The following CBS variants were observed in gnomAD, a reference collection of about 807,000 sequenced individuals.
The protein encoded by CBS is beta-thionase.
For missense variants in CBS, 27 were observed against 124.8 expected, an observed-to-expected ratio of 0.22 and a Z score of 3.73; for synonymous variants, 23 against 52.2, an observed-to-expected ratio of 0.44 and a Z score of 2.41.
Position 43,066,175 on chromosome 21 carries a change from G to C in CBS, c.451+68C>G, listed in dbSNP as rs1982705255. On this transcript the variant is annotated intron_variant, in intron 5 of 16. Coordinates refer to ENST00000398165, the MANE Select transcript of CBS (RefSeq NM_000071.3). ...GCTGCAGCTCAGCCATCCCCCCCGG[G>C]TCCCGGCAGGCTCGGCATGGGTAGG... The C allele has an allele frequency of 3.9e-6, 5 of 1,286,520 alleles. 1 individual carries two copies. The South Asian group carries it at 6.1e-5, about 16-fold the overall frequency. The allele number at this position is 1,286,520 out of a possible 1,614,324, so 79.7% of individuals were successfully genotyped here.
chr21:43,066,135 G>A lies in CBS; in HGVS notation c.451+108C>T, dbSNP rs373309035. 1.1e-4 allele frequency: 103 copies of A among 922,864 alleles called. 6 individuals carry two copies. The African/African-American group carries it at 1.3e-3, about 12-fold the overall frequency. The allele number at this position is 922,864 out of a possible 1,614,324, so 57.2% of individuals were successfully genotyped here. ...GATGCCAGGGAGCAGGCGGCCAGGCGGGCCAGCACATGCGGCTGCAGCTCA... is the reference window on the plus strand; with the variant it reads ...GATGCCAGGGAGCAGGCGGCCAGGCAGGCCAGCACATGCGGCTGCAGCTCA... On this transcript the variant is annotated intron_variant, in intron 5 of 16. Transcript: ENST00000398165.
chr21:43,055,814 GC>G, intron 16 of CBS: 1 of 343,998 alleles, frequency 2.9e-6, no homozygotes, highest in Non-Finnish European at 5.9e-6. Flanking sequence ...CTTGAAAGCA[GC>G]CACAGACGGT....
chr21:43,066,189 G>A lies in CBS; in HGVS notation c.451+54C>T, dbSNP rs2146392804. On this transcript the variant is annotated intron_variant, in intron 5 of 16. Transcript: ENST00000398165. ...ATCCCCCCCGGGTCCCGGCAGGCTC[G>A]GCATGGGTAGGGGACAGCCAGCCCT... 5 of 1,330,708 alleles carry A rather than the reference G, an allele frequency of 3.8e-6. 1 individual carries two copies. The highest frequency in any genetic ancestry group is 2.4e-4 in the Middle Eastern group (1 of 4,228). The allele number at this position is 1,330,708 out of a possible 1,614,324, so 82.4% of individuals were successfully genotyped here.
rs1368026782 is a variant in CBS at position 43,066,381 on chromosome 21, G to A, written c.317-4C>T. ...TTGAAGAACTCACACTTGGCCACTGGGAGGCAGAGATGAATCACAGAGGGG... is the reference window on the plus strand; with the variant it reads ...TTGAAGAACTCACACTTGGCCACTGAGAGGCAGAGATGAATCACAGAGGGG... On this transcript the variant is annotated splice_polypyrimidine_tract_variant and splice_region_variant and intron_variant, in intron 4 of 16. Transcript: ENST00000398165. The A allele has an allele frequency of 1.4e-6, 1 of 706,540 alleles. No individual in the cohort carries two copies. Among genetic ancestry groups the A allele is most frequent in the Non-Finnish European group, 2.2e-6 (1 of 451,582 alleles). The allele number at this position is 706,540 out of a possible 1,614,324, so 43.8% of individuals were successfully genotyped here. A position where few individuals can be genotyped will look rare whatever the true frequency, so the allele number is the denominator to read the frequency against.
chr21:43,057,379 CCTT>C (rs1356349724), intron 15 of CBS, among the ~76,000 whole-genome samples: 6 of 104,828 alleles, frequency 5.7e-5, no homozygotes, highest in Non-Finnish European at 1.1e-4. Flanking sequence ...CGAATGACCT[CCTT>C]AAGTCCCCAA....
intron 5 of CBS, 64 bp downstream of exon 5, chr21:43,066,179 C>G: frequency 7.7e-7 from 1 of 1,301,882 alleles, no homozygotes; most frequent in Non-Finnish European, 1.1e-6. Flanking sequence ...CCCCGGGTCC[C>G]GGCAGGCTCG....
rs142313595 is a variant in CBS, at chr21:43,065,444, G to A, written c.609C>T (p.His203=). Residue 203 remains histidine (H), a synonymous_variant, in exon 7 of 17, where the codon CAC becomes CAT. Transcript: ENST00000398165. ...TNARFDSPES[H]VGVAWRLKNE... ...TCTTCAGCCGCCAGGCCACCCCCAC[G>A]TGTGACTCCGGGGAGTCGAACCTGG... 2.2e-6 allele frequency: 1 copy of A among 454,482 alleles called. No individual in the cohort carries two copies. The highest frequency in any genetic ancestry group is 4.0e-6 in the Non-Finnish European group (1 of 247,200). The allele number at this position is 454,482 out of a possible 1,614,324, so 28.2% of individuals were successfully genotyped here. A position where few individuals can be genotyped will look rare whatever the true frequency, so the allele number is the denominator to read the frequency against.
intron 4 of CBS, among the ~76,000 whole-genome samples, chr21:43,067,108 C>T (rs79268039): frequency 0.013 from 1,357 of 104,066 alleles, 70 homozygotes; most frequent in African/African-American, 0.053. Flanking sequence ...CAGGACGAGG[C>T]GCTGTGTGTG....
intron 4 of CBS, among the ~76,000 whole-genome samples, chr21:43,066,957 C>T (rs1403555410): frequency 1.4e-5 from 2 of 139,268 alleles, no homozygotes; most frequent in African/African-American, 5.4e-5. Context: ...AGTCCTCTCT[C>T]CCTCTCCAGC....
rs373397998 is a variant in CBS, at chr21:43,057,397, C to T, written c.1468-510G>A. On this transcript the variant is annotated intron_variant, in intron 15 of 16. Transcript: ENST00000398165. ...ATGACCTCCTTAAGTCCCCAAAACA[C>T]GGCTGGTGTGGATGAGCCTGCACTG... Among the ~76,000 whole-genome samples, 9 of 66,196 alleles carry T rather than the reference C, an allele frequency of 1.4e-4. No individual in the cohort carries two copies. The East Asian group carries it at 1.7e-3, about 12-fold the overall frequency. The allele number at this position is 66,196 out of a possible 152,430, so 43.4% of individuals were successfully genotyped here. A position where few individuals can be genotyped will look rare whatever the true frequency, so the allele number is the denominator to read the frequency against.
At chr21:43,066,728 C>T (rs1189359089) in intron 4 of CBS, among the ~76,000 whole-genome samples, 1 of 83,962 alleles carries the variant, frequency 1.2e-5, no homozygotes, top group Non-Finnish European at 2.3e-5. Context: ...GGGTCCCCTA[C>T]GCCCCTATGC....
rs760214620 is a variant in CBS, at chr21:43,066,348, C to T, written c.346G>A (p.Gly116Arg). ...AGGCTGATGCGGTCCTTCACGCTCCCGCCCGCGTTGAAGAACTCACACTTG... is the reference window on the plus strand; with the variant it reads ...AGGCTGATGCGGTCCTTCACGCTCCTGCCCGCGTTGAAGAACTCACACTTG... ...LAKCEFFNAG[G>R]SVKDRISLRM... Residue 116 changes from glycine to arginine, a missense_variant, in exon 5 of 17, where the codon GGG (glycine) becomes AGG (arginine). By Grantham distance (125) the Gly-to-Arg change is moderately radical. Transcript: ENST00000398165. The T allele has an allele frequency of 7.2e-6, 6 of 832,052 alleles. 1 individual carries two copies. Among genetic ancestry groups the T allele is most frequent in the Admixed American group, 6.5e-5 (3 of 46,350 alleles). 51.5% of individuals were successfully genotyped at this position (832,052 alleles called of 1,614,324 possible).
intron 4 of CBS, among the ~76,000 whole-genome samples, chr21:43,067,079 C>T (rs1982886248): frequency 8.3e-6 from 1 of 120,870 alleles, no homozygotes; most frequent in Admixed American, 7.7e-5. Context: ...AACCACCAGA[C>T]AGGTGTTGCC....
chr21:43,066,864 G>A (rs1240990456), intron 4 of CBS, among the ~76,000 whole-genome samples: 1 of 117,592 alleles, frequency 8.5e-6, no homozygotes, highest in Non-Finnish European at 1.7e-5. Context: ...CCCCCTGTGG[G>A]GCGTCACCTG....
At chr21:43,066,977 T>C (rs968686576) in intron 4 of CBS, among the ~76,000 whole-genome samples, 1 of 139,614 alleles carries the variant, frequency 7.2e-6, no homozygotes, top group African/African-American at 2.7e-5. Context: ...CTCTTAAAAA[T>C]ATTTAGTTTT....
rs751759157 is a variant in CBS at position 43,055,717 on chromosome 21, AG to A, written c.1552+1085del. ...CAGAGTCAATGGACTAGGGCCAGCC[AG>A]GGGACTTTCCGACAAGGGCCAGCTG... On this transcript the variant is annotated intron_variant, in intron 16 of 16. Transcript: ENST00000398165. The A allele has an allele frequency of 3.9e-4, 106 of 272,174 alleles. 2 individuals carry two copies. Among genetic ancestry groups the A allele is most frequent in the Middle Eastern group, 1.3e-3 (3 of 2,292 alleles). 16.9% of individuals were successfully genotyped at this position (272,174 alleles called of 1,614,324 possible).
rs111806133 is a variant in CBS at position 43,068,251 on chromosome 21, C to T, written c.316+258G>A. Reference sequence around the variant, plus strand: ...CTTCACACCCTCGCTGCTTCCACTCCGGCCTCAGTTCAAAGGTCACCTGTT... The same window carrying T: ...CTTCACACCCTCGCTGCTTCCACTCTGGCCTCAGTTCAAAGGTCACCTGTT... On this transcript the variant is annotated intron_variant, in intron 4 of 16. Coordinates refer to ENST00000398165, the MANE Select transcript of CBS (RefSeq NM_000071.3). The T allele has an allele frequency of 2.4e-4, 81 of 344,590 alleles. 2 individuals carry two copies. Among genetic ancestry groups the T allele is most frequent in the African/African-American group, 1.7e-3 (70 of 41,958 alleles). 21.3% of individuals were successfully genotyped at this position (344,590 alleles called of 1,614,324 possible). A position where few individuals can be genotyped will look rare whatever the true frequency, so the allele number is the denominator to read the frequency against.
At chr21:43,065,992 G>A (rs1190644621) in intron 5 of CBS, among the ~76,000 whole-genome samples, 1 of 56,748 alleles carries the variant, frequency 1.8e-5, no homozygotes, top group Non-Finnish European at 3.3e-5. Context: ...AGCAGACTCC[G>A]GGTGCTCGTC....
chr21:43,067,240 CA>C (rs1329262212), intron 4 of CBS, among the ~76,000 whole-genome samples: 1 of 57,548 alleles, frequency 1.7e-5, no homozygotes, highest in Admixed American at 1.2e-4. Flanking sequence ...AGCTCCGAAG[CA>C]GAAATCAGAG....
Sources: gnomAD v4.1 joint callset for allele counts (sites outside exome capture counted in the v4.1 genomes callset) on GRCh38, gnomAD v4.1.1 for gene constraint, MANE v1.5 for transcripts, NCBI Gene and HGNC (gene_info 2026-07-23, HGNC 2026-07-21) for gene names.